MDN1: variants seen among roughly 807,000 people sequenced by gnomAD.
MDN1 encodes the protein midasin AAA ATPase 1.
In MDN1, 266 loss-of-function variants were observed where a neutral mutation model predicts 669.2. That is an observed-to-expected ratio of 0.40 (90% confidence interval 0.36 to 0.44). MDN1 has a LOEUF of 0.44. Among genes scored for constraint, MDN1 ranks in the 20% least tolerant of loss-of-function variants. MDN1 has a pLI of 1.00. For synonymous variants in MDN1, 2,385 were observed against 2,457.1 expected, an observed-to-expected ratio of 0.97 and a Z score of 0.87; for missense variants, 5,940 against 6,754.0, an observed-to-expected ratio of 0.88 and a Z score of 4.22.
chr6:89,675,039 G>C (rs1811088386), intron 78 of MDN1, among the ~76,000 whole-genome samples: 1 of 152,116 alleles, frequency 6.6e-6, no homozygotes, highest in Non-Finnish European at 1.5e-5. Flanking sequence ...TTGCCATCTG[G>C]GGGATCCCCA....
At chr6:89,779,163 G>GT (rs1244477657) in intron 11 of MDN1, among the ~76,000 whole-genome samples, 1 of 152,122 alleles carries the variant, frequency 6.6e-6, no homozygotes, top group African/African-American at 2.4e-5. Flanking sequence ...CAATTTGCCA[G>GT]TTCTCAAAAG....
intron 59 of MDN1, among the ~76,000 whole-genome samples, chr6:89,697,888 A>AT (rs1237780127): frequency 1.6e-4 from 25 of 152,140 alleles, no homozygotes; most frequent in Non-Finnish European, 2.9e-4. Flanking sequence ...GACCAACACA[A>AT]TTTTTTTTAA....
intron 5 of MDN1, among the ~76,000 whole-genome samples, chr6:89,790,987 C>A (rs1819241410): frequency 6.6e-6 from 1 of 152,196 alleles, no homozygotes; most frequent in African/African-American, 2.4e-5. Context: ...CGTGCCACTG[C>A]ACTCCAGCTG....
intron 33 of MDN1, among the ~76,000 whole-genome samples, chr6:89,737,569 T>C (rs545187615): frequency 5.3e-5 from 8 of 152,224 alleles, no homozygotes; most frequent in African/African-American, 9.6e-5. Context: ...TTGCCTTTTA[T>C]TGGATATTTT....
intron 101 of MDN1, 110 bp downstream of exon 101, chr6:89,644,905 G>A: frequency 7.7e-6 from 9 of 1,175,370 alleles, no homozygotes; most frequent in Non-Finnish European, 1.1e-5. Flanking sequence ...TACTATGAAT[G>A]CTGGGAGTTC....
At chr6:89,748,709 GTTGA>G (rs980990431) in intron 26 of MDN1, among the ~76,000 whole-genome samples, 20 of 149,404 alleles carry the variant, frequency 1.3e-4, no homozygotes, top group South Asian at 6.5e-4. Flanking sequence ...ATGTAAAATT[GTTGA>G]TTGATTAAAA....
rs185098901 is a variant in MDN1 at position 89,784,985 on chromosome 6, C to G, written c.1449+27G>C. On this transcript the variant is annotated intron_variant, in intron 9 of 101. Transcript: ENST00000369393. The stretch of plus-strand genomic sequence containing the variant: ...CGCGGGAGCCACTGCACCTGGCCAG[C>G]ATTGATACTTTCCAAGACCCACGTA... 392 of 1,459,730 alleles carry G rather than the reference C, an allele frequency of 2.7e-4. 1 individual carries two copies. In the African/African-American group the frequency reaches 5.1e-3, roughly 19 times the overall value. 90.4% of individuals were successfully genotyped at this position (1,459,730 alleles called of 1,614,324 possible). A position where few individuals can be genotyped will look rare whatever the true frequency, so the allele number is the denominator to read the frequency against.
intron 11 of MDN1, among the ~76,000 whole-genome samples, chr6:89,777,084 T>C (rs1306167826): frequency 6.6e-6 from 1 of 152,186 alleles, no homozygotes; most frequent in Non-Finnish European, 1.5e-5. Context: ...AGGGAAACAC[T>C]AGGTGTGCAA....
At chr6:89,645,571 G>T (rs1808441875) in intron 100 of MDN1, among the ~76,000 whole-genome samples, 1 of 152,144 alleles carries the variant, frequency 6.6e-6, no homozygotes, top group African/African-American at 2.4e-5. Flanking sequence ...ATCTGGAACT[G>T]TGTCTTCCAA....
chr6:89,698,669 T>G (rs1360512102), intron 59 of MDN1, among the ~76,000 whole-genome samples, 196 bp downstream of exon 59: 1 of 152,232 alleles, frequency 6.6e-6, no homozygotes, highest in African/African-American at 2.4e-5. Context: ...TTTTGACTTA[T>G]CTCAAAATTT....
rs368695443 is a variant in MDN1, at chr6:89,728,435, A to G, written c.5350-480T>C. Among the ~76,000 whole-genome samples the G allele has an allele frequency of 2.3e-4, 35 of 152,380 alleles. No homozygotes were observed. In the East Asian group the frequency reaches 5.6e-3, roughly 24 times the overall value. On this transcript the variant is annotated intron_variant, in intron 36 of 101. Transcript: ENST00000369393. ...TCTCGAAAGAGAATTAGAATAAAGCATCCAGAGAGAATTAATATTATAGGT... is the reference window on the plus strand; with the variant it reads ...TCTCGAAAGAGAATTAGAATAAAGCGTCCAGAGAGAATTAATATTATAGGT...
intron 24 of MDN1, 46 bp downstream of exon 24, chr6:89,750,308 T>G (rs746894615): frequency 6.6e-7 from 1 of 1,521,362 alleles, no homozygotes; most frequent in Non-Finnish European, 9.0e-7. Context: ...GAAATGTGTG[T>G]GAAAGAATAA....
chr6:89,690,732 G>T lies in MDN1; in HGVS notation c.10690C>A (p.Leu3564Met). Residue 3564 changes from leucine to methionine, a missense_variant, in exon 64 of 102, where the codon CTG becomes ATG. By Grantham distance (15) the Leu-to-Met change is conservative (BLOSUM62 2). Around this residue, in one of 5 missense-constraint regions of MDN1, gnomAD observed 2,280 missense variants for 2,576.3 expected, o/e 0.88. Coordinates refer to ENST00000369393, the MANE Select transcript of MDN1 (RefSeq NM_014611.3). Reference protein sequence around the residue: ...RYRSRNSRTALSEEEEEEREF... With the variant: ...RYRSRNSRTAMSEEEEEEREF... ...CGTTCTTCCTCCTCCTCTTCACTCA[G>T]GGCTGTCCTAGAGTTCCTGCTCCTG... The T allele has an allele frequency of 1.2e-6, 2 of 1,614,064 alleles. No homozygotes were observed. Among genetic ancestry groups the T allele is most frequent in the Non-Finnish European group, 1.7e-6 (2 of 1,180,006 alleles).
Position 89,658,723 on chromosome 6 carries a change from G to C in MDN1, c.14908C>G (p.Gln4970Glu), listed in dbSNP as rs975967241. ...TCCTCAGAGTGTTCTTCAGGATGCTGAGCAGCATCTCCATCTTGGTCATCA... is the reference window on the plus strand; with the variant it reads ...TCCTCAGAGTGTTCTTCAGGATGCTCAGCAGCATCTCCATCTTGGTCATCA... ...GADDQDGDAA[Q>E]HPEEHSEEQQ... Residue 4970 changes from glutamine (Q) to glutamate (E), a missense_variant, in exon 89 of 102, where the codon CAG (glutamine) becomes GAG (glutamate). Transcript: ENST00000369393. The C allele has an allele frequency of 1.2e-6, 2 of 1,614,146 alleles. No individual in the cohort carries two copies. Among genetic ancestry groups the C allele is most frequent in the Non-Finnish European group, 1.7e-6 (2 of 1,180,028 alleles).
intron 37 of MDN1, among the ~76,000 whole-genome samples, chr6:89,726,268 C>T (rs375441754): frequency 1.6e-4 from 24 of 152,008 alleles, no homozygotes; most frequent in Admixed American, 5.2e-4. Context: ...CAAGACCAGG[C>T]GGGCCAACAT....
rs370668260 is a variant in MDN1, at chr6:89,747,369, G to C, written c.3864C>G (p.Thr1288=). The change falls in exon 27 of 102, where the codon ACC becomes ACG. Residue 1288 remains threonine, a synonymous_variant. Transcript: ENST00000369393. ...GCTGTAGCCAGTCATACTCCTTCTC[G>C]GTCGGCTCAGCCAATCTGTATCTTT... ...WAERYRLAEP[T]EKEYDWLQHL... 5 of 1,613,854 alleles carry C rather than the reference G, an allele frequency of 3.1e-6. No individual in the cohort carries two copies. The East Asian group carries it at 1.1e-4, about 36-fold the overall frequency.
Position 89,661,534 on chromosome 6 carries a change from C to T in MDN1, c.14610G>A (p.Gln4870=). The change falls in exon 88 of 102, where the codon CAG becomes CAA. Residue 4870 remains glutamine (Q), a synonymous_variant. Coordinates refer to ENST00000369393, the MANE Select transcript of MDN1 (RefSeq NM_014611.3). ...ENEVDPYHGN[Q]EKVPEPEALD... ...AAGCCTCGGGTTCTGGCACCTTTTCCTGATTGCCATGGTAAGGGTCCACCT... is the reference window on the plus strand; with the variant it reads ...AAGCCTCGGGTTCTGGCACCTTTTCTTGATTGCCATGGTAAGGGTCCACCT... 1 of 1,614,160 alleles carries T rather than the reference C, an allele frequency of 6.2e-7. No individual in the cohort carries two copies. Among genetic ancestry groups the T allele is most frequent in the Non-Finnish European group, 8.5e-7 (1 of 1,180,020 alleles).
intron 34 of MDN1, 75 bp from the exon 35 acceptor site, chr6:89,730,998 C>A: frequency 7.4e-7 from 1 of 1,349,056 alleles, no homozygotes; most frequent in South Asian, 1.4e-5. Flanking sequence ...GGAGCTCTAG[C>A]ACAGGTTCCC....
rs774441685 is a variant in MDN1, at chr6:89,644,076, C to G, written c.16720G>C (p.Ala5574Pro). 6.2e-7 allele frequency: 1 copy of G among 1,614,062 alleles called. No individual in the cohort carries two copies. The highest frequency in any genetic ancestry group is 1.1e-5 in the South Asian group (1 of 91,064). Residue 5574 changes from alanine to proline, a missense_variant, in exon 102 of 102, where the codon GCA becomes CCA. This residue lies in a region of MDN1 where 2,280 missense variants were observed against 2,576.3 expected (regional missense o/e 0.88). Coordinates refer to ENST00000369393, the MANE Select transcript of MDN1 (RefSeq NM_014611.3). ...GCATCGCTGAGTGTCTCAGGAAGTG[C>G]GTTTACATCTCGAAGAATGATATAG... is the stretch of plus-strand genomic sequence containing the variant. ...PYYIILRDVN[A>P]LPETLSDALR...
Sources: gnomAD v4.1 joint callset for allele counts (sites outside exome capture counted in the v4.1 genomes callset) on GRCh38, gnomAD v4.1.1 for gene constraint, gnomAD v4.1.1 regional missense constraint, MANE v1.5 for transcripts, NCBI Gene and HGNC (gene_info 2026-07-23, HGNC 2026-07-21) for gene names.